Variants in VPS26C observed in about 807,000 individuals in gnomAD.
VPS26C encodes the protein VPS26 endosomal protein sorting factor C.
A neutral mutation model predicts 30.6 loss-of-function variants in VPS26C; 19 were observed. The observed-to-expected ratio is 0.62, with a 90% CI of 0.43 to 0.91. The LOEUF (loss-of-function observed/expected upper bound fraction) is 0.91, where lower values mean the gene tolerates loss of function less well. Ranked by LOEUF, VPS26C falls within the 40% of genes least tolerant of loss-of-function variation. The pLI is 0.00. For missense variants in VPS26C, 318 were observed against 385.1 expected (o/e 0.83, Z 1.46); for synonymous variants, 132 against 151.5 (o/e 0.87, Z 0.95).
At chr21:37,238,825 T>C (rs1224569490) in intron 2 of VPS26C, among the ~76,000 whole-genome samples, 1 of 152,174 alleles carries the variant, frequency 6.6e-6, no homozygotes, top group Non-Finnish European at 1.5e-5. Context: ...ATGAGACACA[T>C]AGGTGCTTGA....
chr21:37,232,322 G>A, intron 5 of VPS26C, 55 bp downstream of exon 5: 1 of 1,488,266 alleles, frequency 6.7e-7, no homozygotes, highest in South Asian at 1.1e-5. Context: ...GCTAGTCCGT[G>A]GGGTCTGGCT....
chr21:37,236,472 CT>C (rs773058297), intron 3 of VPS26C, among the ~76,000 whole-genome samples: 1 of 152,266 alleles, frequency 6.6e-6, no homozygotes, highest in Non-Finnish European at 1.5e-5. Context: ...TTAATCAATA[CT>C]TGAGAATTTT....
intron 1 of VPS26C, chr21:37,266,975 C>G (rs1396398264): frequency 9.3e-6 from 5 of 537,276 alleles, no homozygotes; most frequent in East Asian, 7.0e-5. Flanking sequence ...AGCGCAGCCC[C>G]GGAGCTGGGC....
chr21:37,263,730 G>A (rs1445655905), intron 1 of VPS26C, among the ~76,000 whole-genome samples: 1 of 152,202 alleles, frequency 6.6e-6, no homozygotes, highest in Non-Finnish European at 1.5e-5. Context: ...TAAAGTAGGT[G>A]GCAGTCACCT....
At chr21:37,246,097 CTG>C (rs1473338877) in intron 1 of VPS26C, among the ~76,000 whole-genome samples, 2 of 151,876 alleles carry the variant, frequency 1.3e-5, no homozygotes, top group African/African-American at 4.8e-5. Context: ...AATAAGAAAA[CTG>C]AAATAATGAA....
At chr21:37,240,662 C>A (rs1433282806) in intron 1 of VPS26C, 23 bp from the exon 2 acceptor site, 1 of 1,607,558 alleles carries the variant, frequency 6.2e-7, no homozygotes, top group African/African-American at 1.3e-5. Context: ...AGACAGCCAC[C>A]AATCAAATTA....
intron 3 of VPS26C, among the ~76,000 whole-genome samples, chr21:37,234,780 T>C (rs2086002436): frequency 6.6e-6 from 1 of 152,118 alleles, no homozygotes; most frequent in Non-Finnish European, 1.5e-5. Flanking sequence ...GAGTAAAACA[T>C]TGTTTAAAAG....
chr21:37,228,451 C>T, intron 5 of VPS26C, 78 bp from the exon 6 acceptor site: 1 of 1,534,982 alleles, frequency 6.5e-7, no homozygotes, highest in Non-Finnish European at 8.9e-7. Context: ...CAAATAAAAC[C>T]TGGAAGCGAA....
chr21:37,259,218 A>C (rs946521899), intron 1 of VPS26C, among the ~76,000 whole-genome samples: 7 of 152,088 alleles, frequency 4.6e-5, no homozygotes, highest in African/African-American at 9.7e-5. Flanking sequence ...AAAAAAAAAA[A>C]CAAAAAAACT....
chr21:37,238,735 G>C, intron 2 of VPS26C, 126 bp from the exon 3 acceptor site: 1 of 1,068,474 alleles, frequency 9.4e-7, no homozygotes, highest in South Asian at 1.5e-5. Context: ...GTCTTCGGCA[G>C]CTCTGCGCTG....
chr21:37,253,184 A>G (rs924617099), intron 1 of VPS26C, among the ~76,000 whole-genome samples: 2 of 152,248 alleles, frequency 1.3e-5, no homozygotes, highest in Non-Finnish European at 2.9e-5. Flanking sequence ...CAAGATATCA[A>G]TTTACATGGC....
At chr21:37,253,645 T>C (rs1316056448) in intron 1 of VPS26C, among the ~76,000 whole-genome samples, 1 of 152,226 alleles carries the variant, frequency 6.6e-6, no homozygotes, top group African/African-American at 2.4e-5. Context: ...CATGGTGTGT[T>C]GCGTGGCTTC....
At chr21:37,235,877 A>ATTTT (rs1352661229) in intron 3 of VPS26C, among the ~76,000 whole-genome samples, 1 of 35,954 alleles carries the variant, frequency 2.8e-5, no homozygotes, top group Admixed American at 3.2e-4. Context: ...ATATATATAT[A>ATTTT]TATTTTTTTT....
intron 3 of VPS26C, 104 bp downstream of exon 3, chr21:37,238,356 A>G: frequency 1.5e-6 from 2 of 1,307,076 alleles, no homozygotes; most frequent in Non-Finnish European, 2.1e-6. Flanking sequence ...CAATAAACAC[A>G]GTATTAAATT....
In VPS26C at chr21:37,232,360, T is replaced by C. The variant is rs377377291; in HGVS notation, c.507+17A>G. ...TGGGAAGATACCCACGGCATTCGCCTGTGCAGGACGTCTTACCTCTTTGAC... is the reference window on the plus strand; with the variant it reads ...TGGGAAGATACCCACGGCATTCGCCCGTGCAGGACGTCTTACCTCTTTGAC... On this transcript the variant is annotated intron_variant, in intron 5 of 7. Coordinates refer to ENST00000309117, the MANE Select transcript of VPS26C (RefSeq NM_006052.2). The C allele has an allele frequency of 4.3e-6, 7 of 1,611,920 alleles. No individual in the cohort carries two copies. Among genetic ancestry groups the C allele is most frequent in the Non-Finnish European group, 5.1e-6 (6 of 1,178,144 alleles).
chr21:37,243,302 C>T lies in VPS26C; in HGVS notation c.58-2663G>A, dbSNP rs138006613. ...TGGGGGCCGTGACTACAAAGAGGGA[C>T]CGTTCACAGACTGGCAACGAACCCA... On this transcript the variant is annotated intron_variant, in intron 1 of 7. Transcript: ENST00000309117. Among the ~76,000 whole-genome samples, 855 of 152,234 alleles carry T rather than the reference C, an allele frequency of 5.6e-3. 3 individuals are homozygous for T. The highest frequency in any genetic ancestry group is 8.9e-3 in the Non-Finnish European group (606 of 68,014).
chr21:37,253,968 T>C (rs1381629777), intron 1 of VPS26C, among the ~76,000 whole-genome samples: 1 of 152,218 alleles, frequency 6.6e-6, no homozygotes, highest in Non-Finnish European at 1.5e-5. Flanking sequence ...ACATTCCAAC[T>C]TGTAGGTTTA....
intron 6 of VPS26C, 143 bp downstream of exon 6, chr21:37,228,080 C>G (rs1178910582): frequency 1.4e-5 from 18 of 1,268,458 alleles, no homozygotes; most frequent in Non-Finnish European, 1.9e-5. Context: ...CTCAAACCAC[C>G]CTCCCACCTC....
At chr21:37,244,937 T>C (rs751906096) in intron 1 of VPS26C, among the ~76,000 whole-genome samples, 1 of 152,182 alleles carries the variant, frequency 6.6e-6, no homozygotes, top group Non-Finnish European at 1.5e-5. Flanking sequence ...GCAGTCGGTC[T>C]CTGCAGTGGT....
Sources: allele counts gnomAD v4.1 joint callset (sites outside exome capture counted in the v4.1 genomes callset), GRCh38; gene constraint gnomAD v4.1.1; transcripts MANE v1.5; gene names NCBI Gene and HGNC (gene_info 2026-07-23, HGNC 2026-07-21).